Variants in AGAP1 observed in about 807,000 individuals in gnomAD.
The protein encoded by AGAP1 is ArfGAP with GTPase domain, ankyrin repeat and PH domain 1, also known as arf-GAP with GTPase, ANK repeat and PH domain-containing protein 1.
In AGAP1, 29 loss-of-function variants were observed where a neutral mutation model predicts 105.3. The ratio of observed to expected loss-of-function variants is 0.28; its 90% confidence interval spans 0.21 to 0.38. The LOEUF is 0.38. Ranked by LOEUF, AGAP1 falls within the 10% of genes least tolerant of loss-of-function variation. The pLI is 1.00. For missense variants in AGAP1, 998 were observed against 1,165.1 expected (o/e 0.86, Z 2.09); for synonymous variants, 509 against 485.9 (o/e 1.05, Z -0.63).
At chr2:235,602,690 G>A (rs548443844) in intron 1 of AGAP1, among the ~76,000 whole-genome samples, 4 of 148,382 alleles carry the variant, frequency 2.7e-5, no homozygotes, top group South Asian at 2.1e-4. Context: ...GCAGTTATCC[G>A]CATCAGACAC....
rs77631436 is a variant in AGAP1 at position 235,983,882 on chromosome 2, G to A, written c.1645+15259G>A. 0.034 allele frequency among the ~76,000 whole-genome samples: 5,250 copies of A among 152,294 alleles called. 318 individuals are homozygous for A. Among genetic ancestry groups the A allele is most frequent in the African/African-American group, 0.12 (5,007 of 41,534 alleles). Reference sequence around the variant, plus strand: ...CATTTCTCAGAATGCATCACTTAACGATGGGGATACATGGCTGTATGTAAC... The same window carrying A: ...CATTTCTCAGAATGCATCACTTAACAATGGGGATACATGGCTGTATGTAAC... On this transcript the variant is annotated intron_variant, in intron 13 of 17. Transcript: ENST00000304032. The surrounding 1 kb of genome is among the most constrained non-coding windows in gnomAD (Gnocchi z 4.5).
chr2:235,711,370 C>G (rs532932326), intron 2 of AGAP1, among the ~76,000 whole-genome samples: 129 of 152,346 alleles, frequency 8.5e-4, no homozygotes, highest in Non-Finnish European at 1.5e-3. Context: ...CATGATCATA[C>G]CAGCCCATAA....
At chr2:235,503,745 G>A (rs570947229) in intron 1 of AGAP1, among the ~76,000 whole-genome samples, 10 of 152,104 alleles carry the variant, frequency 6.6e-5, no homozygotes, top group Non-Finnish European at 1.5e-4. Context: ...CTCCAGATGT[G>A]CACCATGCCT....
At chr2:235,940,885 C>T (rs143759735) in intron 12 of AGAP1, among the ~76,000 whole-genome samples, 164 of 152,174 alleles carry the variant, frequency 1.1e-3, no homozygotes, top group African/African-American at 3.9e-3. Flanking sequence ...TGTCATTGCA[C>T]GGTAATATGC....
chr2:235,951,074 A>T lies in AGAP1; in HGVS notation c.1484-17388A>T, dbSNP rs1317900635. 1.3e-5 allele frequency among the ~76,000 whole-genome samples: 2 copies of T among 152,134 alleles called. No individual in the cohort carries two copies. The highest frequency in any genetic ancestry group is 2.9e-5 in the Non-Finnish European group (2 of 68,006). On this transcript the variant is annotated intron_variant, in intron 12 of 17. Coordinates refer to ENST00000304032, the MANE Select transcript of AGAP1 (RefSeq NM_001037131.3). The surrounding 1 kb of genome is among the most constrained non-coding windows in gnomAD (Gnocchi z 4.2). ...ATAGTTTTCTGCTGGAAGTAAATTT[A>T]ATTCTAGTTTTTAAATATCATTAAT...
In AGAP1 at chr2:235,855,462, AT is replaced by A. The variant is rs1054266354; in HGVS notation, c.1051-27878del. ...TTATTCATTCAGTTACAGATTTATC[AT>A]TTTTCAAACCAAATTCTAAACTGTG... On this transcript the variant is annotated intron_variant, in intron 9 of 17. Coordinates refer to ENST00000304032, the MANE Select transcript of AGAP1 (RefSeq NM_001037131.3). The surrounding 1 kb of genome is among the most constrained non-coding windows in gnomAD (Gnocchi z 5.0). Among the ~76,000 whole-genome samples, 1 of 152,204 alleles carries A rather than the reference AT, an allele frequency of 6.6e-6. No individual in the cohort carries two copies. Among genetic ancestry groups the A allele is most frequent in the Admixed American group, 6.5e-5 (1 of 15,284 alleles).
At chr2:236,111,756 C>T (rs375116275) in intron 16 of AGAP1, among the ~76,000 whole-genome samples, 17 of 149,010 alleles carry the variant, frequency 1.1e-4, no homozygotes, top group East Asian at 4.0e-4. Flanking sequence ...CAAGCCACTG[C>T]GCTCCAGCCT....
chr2:235,587,801 T>A (rs913612372), intron 1 of AGAP1, among the ~76,000 whole-genome samples: 2 of 151,310 alleles, frequency 1.3e-5, no homozygotes, highest in African/African-American at 4.9e-5. Context: ...AAGTACGGGC[T>A]TAAGAGGCCA....
rs1955986412 is a variant in AGAP1, at chr2:235,777,678, T to TA, written c.674-20081_674-20080insA. ...GTCACCTGAGCACGTTCAAGCCTCC[T>TA]GCCCAGCACCTTCCTAGAGCACCGC... On this transcript the variant is annotated intron_variant, in intron 6 of 17. Coordinates refer to ENST00000304032, the MANE Select transcript of AGAP1 (RefSeq NM_001037131.3). This position sits in a 1 kb window ranked among gnomAD's most constrained non-coding sequence, Gnocchi z 5.1. Among the ~76,000 whole-genome samples, 2 of 152,184 alleles carry TA rather than the reference T, an allele frequency of 1.3e-5. No homozygotes were observed. The highest frequency in any genetic ancestry group is 4.8e-5 in the African/African-American group (2 of 41,446).
In AGAP1 at chr2:236,092,851, G is replaced by A. The variant is rs1330851369; in HGVS notation, c.2115-27341G>A. On this transcript the variant is annotated intron_variant, in intron 16 of 17. Transcript: ENST00000304032. This position sits in a 1 kb window ranked among gnomAD's most constrained non-coding sequence, Gnocchi z 4.7. ...CAGATCTGGTTGAGAAGTAGGGAAT[G>A]GCCCTGGAGCATCCTGCTGTGCCAG... 1.3e-5 allele frequency among the ~76,000 whole-genome samples: 2 copies of A among 152,220 alleles called. No homozygotes were observed. Among genetic ancestry groups the A allele is most frequent in the African/African-American group, 4.8e-5 (2 of 41,462 alleles).
At chr2:236,069,573 G>A (rs572506110) in intron 16 of AGAP1, among the ~76,000 whole-genome samples, 2 of 152,124 alleles carry the variant, frequency 1.3e-5, no homozygotes, top group Admixed American at 6.5e-5. Flanking sequence ...ACAGGCACAC[G>A]CCACCACGCC....
rs2054225841 is a variant in AGAP1 at position 235,962,302 on chromosome 2, A to G, written c.1484-6160A>G. On this transcript the variant is annotated intron_variant, in intron 12 of 17. Coordinates refer to ENST00000304032, the MANE Select transcript of AGAP1 (RefSeq NM_001037131.3). The surrounding 1 kb of genome is among the most constrained non-coding windows in gnomAD (Gnocchi z 5.3). ...CACCACCCTCTCCCAGCCCTGGCCC[A>G]TGACGGTGCTGAGCAGGTGGAGGGC... Among the ~76,000 whole-genome samples the G allele has an allele frequency of 6.6e-6, 1 of 152,090 alleles. No individual in the cohort carries two copies. Among genetic ancestry groups the G allele is most frequent in the African/African-American group, 2.4e-5 (1 of 41,414 alleles).
chr2:235,683,697 C>T (rs761981011), intron 1 of AGAP1, among the ~76,000 whole-genome samples: 134 of 150,736 alleles, frequency 8.9e-4, no homozygotes, highest in Non-Finnish European at 1.7e-3. Context: ...TTCTCTCTCT[C>T]TCTTTTTTTT....
In AGAP1 at chr2:235,601,493, G is replaced by A. The variant is rs1945729720; in HGVS notation, c.163+106644G>A. 6.6e-6 allele frequency among the ~76,000 whole-genome samples: 1 copy of A among 152,208 alleles called. No individual in the cohort carries two copies. The highest frequency in any genetic ancestry group is 1.5e-5 in the Non-Finnish European group (1 of 68,052). ...AGTCATGGCGGAAGGTGAATGAGGA[G>A]CAAAGTTACATCTAACATGGGGGCA... On this transcript the variant is annotated intron_variant, in intron 1 of 17. Transcript: ENST00000304032. This position sits in a 1 kb window ranked among gnomAD's most constrained non-coding sequence, Gnocchi z 4.4.
At chr2:235,834,839 G>A (rs1422158714) in intron 9 of AGAP1, among the ~76,000 whole-genome samples, 3 of 152,308 alleles carry the variant, frequency 2.0e-5, no homozygotes, top group South Asian at 2.1e-4. Flanking sequence ...TTAGAGGCTC[G>A]GGTCTAGTGG....
In AGAP1 at chr2:235,614,847, A is replaced by G. The variant is rs1946257188; in HGVS notation, c.164-94332A>G. On this transcript the variant is annotated intron_variant, in intron 1 of 17. Coordinates refer to ENST00000304032, the MANE Select transcript of AGAP1 (RefSeq NM_001037131.3). This position sits in a 1 kb window ranked among gnomAD's most constrained non-coding sequence, Gnocchi z 4.7. ...AGGGAATCAGTTTGATTCTGTGGCT[A>G]TTAAATTAATGGTTTAGCTGAGATG... Among the ~76,000 whole-genome samples the G allele has an allele frequency of 6.6e-6, 1 of 152,192 alleles. No homozygotes were observed. The highest frequency in any genetic ancestry group is 1.5e-5 in the Non-Finnish European group (1 of 68,042).
intron 13 of AGAP1, among the ~76,000 whole-genome samples, chr2:235,990,096 A>T (rs1358846403): frequency 6.6e-6 from 1 of 152,146 alleles, no homozygotes; most frequent in Non-Finnish European, 1.5e-5. Flanking sequence ...CAAGTGCTCT[A>T]CCGTTAGGAT....
chr2:235,949,186 C>T (rs905161189), intron 12 of AGAP1, among the ~76,000 whole-genome samples: 2 of 152,284 alleles, frequency 1.3e-5, no homozygotes, highest in South Asian at 2.1e-4. Flanking sequence ...TTCATACATG[C>T]ACGTTGAGTT....
chr2:235,564,382 C>T (rs1016378762), intron 1 of AGAP1, among the ~76,000 whole-genome samples: 2 of 152,210 alleles, frequency 1.3e-5, no homozygotes, highest in Admixed American at 6.5e-5. Flanking sequence ...GGGAGGCCTC[C>T]AGGTGCCTTC....
Sources: gnomAD v4.1 joint callset for allele counts (sites outside exome capture counted in the v4.1 genomes callset) on GRCh38, gnomAD v4.1.1 for gene constraint, Gnocchi (gnomAD v3.1) non-coding constraint, MANE v1.5 for transcripts, NCBI Gene and HGNC (gene_info 2026-07-23, HGNC 2026-07-21) for gene names.